MXI1: variants seen among roughly 807,000 people sequenced by gnomAD.
MXI1 encodes the protein max-interacting protein 1.
A neutral mutation model predicts 36.9 loss-of-function variants in MXI1; 18 were observed. The ratio of observed to expected loss-of-function variants is 0.49; its 90% confidence interval spans 0.34 to 0.72. The LOEUF is 0.72. Ranked by LOEUF, MXI1 falls within the 30% of genes least tolerant of loss-of-function variation. The pLI is 0.01. For missense variants in MXI1, 304 were observed against 379.1 expected, an observed-to-expected ratio of 0.80 and a Z score of 1.64; for synonymous variants, 160 against 146.7, an observed-to-expected ratio of 1.09 and a Z score of -0.65.
At chr10:110,255,002 TGG>T in intron 3 of MXI1, among the ~76,000 whole-genome samples, 1 of 152,190 alleles carries the variant, frequency 6.6e-6, no homozygotes, top group African/African-American at 2.4e-5. Flanking sequence ...CATCATCTAT[TGG>T]AAGAAGATGC....
intron 1 of MXI1, among the ~76,000 whole-genome samples, chr10:110,210,948 AG>A (rs746160447): frequency 2.4e-4 from 37 of 151,908 alleles, no homozygotes; most frequent in Admixed American, 3.9e-4. Flanking sequence ...GGGGAGGGAG[AG>A]GGATCTGGGC....
chr10:110,214,136 T>C (rs1949320674), intron 1 of MXI1, among the ~76,000 whole-genome samples: 2 of 152,200 alleles, frequency 1.3e-5, no homozygotes, highest in Non-Finnish European at 2.9e-5. Context: ...CCTGTGCTCT[T>C]AACCATATAC....
intron 3 of MXI1, among the ~76,000 whole-genome samples, chr10:110,253,537 A>C (rs1012646985): frequency 3.9e-5 from 6 of 152,170 alleles, no homozygotes; most frequent in African/African-American, 1.4e-4. Context: ...TCTACAAAAA[A>C]ATGTACACTT....
intron 4 of MXI1, 39 bp from the exon 5 acceptor site, chr10:110,279,875 G>A: frequency 6.5e-7 from 1 of 1,530,194 alleles, no homozygotes; most frequent in Non-Finnish European, 8.9e-7. Flanking sequence ...TGTTTGTACT[G>A]GACTATACAC....
At chr10:110,224,605 A>AT (rs1227474654) in intron 1 of MXI1, among the ~76,000 whole-genome samples, 6 of 151,484 alleles carry the variant, frequency 4.0e-5, no homozygotes, top group Non-Finnish European at 7.4e-5. Context: ...GGACTTAGAA[A>AT]GAGAGTGGCC....
chr10:110,208,922 T>G (rs1854434588), intron 1 of MXI1, among the ~76,000 whole-genome samples: 1 of 152,128 alleles, frequency 6.6e-6, no homozygotes, highest in African/African-American at 2.4e-5. Flanking sequence ...TTTCTTTATT[T>G]TCCGGGAGAC....
rs1279492313 is a variant in MXI1, at chr10:110,231,947, C to A, written c.407+3626C>A. On this transcript the variant is annotated intron_variant, in intron 2 of 5. Coordinates refer to ENST00000332674, the MANE Select transcript of MXI1 (RefSeq NM_130439.3). ...TCTCTTACTTGGACGACTGCAGTAA[C>A]TTCCTACCTGGTGTCCCTGCAACTA... Among the ~76,000 whole-genome samples, 3 of 152,050 alleles carry A rather than the reference C, an allele frequency of 2.0e-5. No individual in the cohort carries two copies. In the East Asian group the frequency reaches 5.8e-4, roughly 29 times the overall value.
chr10:110,270,464 G>T (rs1168398207), intron 3 of MXI1, among the ~76,000 whole-genome samples: 7 of 150,548 alleles, frequency 4.6e-5, no homozygotes, highest in African/African-American at 1.7e-4. Context: ...AAATGAGGCT[G>T]TCAAAAATGA....
At chr10:110,228,603 G>A (rs776139420) in intron 2 of MXI1, among the ~76,000 whole-genome samples, 1 of 152,146 alleles carries the variant, frequency 6.6e-6, no homozygotes, top group Non-Finnish European at 1.5e-5. Context: ...GCAGCCACCT[G>A]CTAAAAGTAA....
chr10:110,217,137 G>C (rs1181786045), intron 1 of MXI1, among the ~76,000 whole-genome samples: 1 of 152,072 alleles, frequency 6.6e-6, no homozygotes, highest in African/African-American at 2.4e-5. Context: ...GTCCACACCA[G>C]CATTCCTCCC....
chr10:110,280,536 C>T (rs550005349), intron 5 of MXI1, among the ~76,000 whole-genome samples: 7 of 151,860 alleles, frequency 4.6e-5, no homozygotes, highest in Middle Eastern at 6.8e-3. Context: ...AAAAATTAGA[C>T]GGGCGTGGTG....
At chr10:110,276,042 T>C (rs535239313) in intron 3 of MXI1, among the ~76,000 whole-genome samples, 1 of 152,366 alleles carries the variant, frequency 6.6e-6, no homozygotes, top group South Asian at 2.1e-4. Context: ...GGGTACCTCC[T>C]GATTTGTCGG....
intron 1 of MXI1, among the ~76,000 whole-genome samples, chr10:110,223,442 G>T (rs758211080): frequency 1.3e-5 from 2 of 152,020 alleles, no homozygotes; most frequent in East Asian, 1.9e-4. Flanking sequence ...TTAGCTGGGC[G>T]TGGTGGCAGG....
At chr10:110,232,494 C>T (rs1048693157) in intron 2 of MXI1, among the ~76,000 whole-genome samples, 4 of 152,104 alleles carry the variant, frequency 2.6e-5, no homozygotes, top group Non-Finnish European at 5.9e-5. Flanking sequence ...CCTATTTTTC[C>T]TTCATAGTGT....
chr10:110,209,189 C>T (rs1339792244), intron 1 of MXI1, among the ~76,000 whole-genome samples: 1 of 152,140 alleles, frequency 6.6e-6, no homozygotes, highest in Non-Finnish European at 1.5e-5. Context: ...TATCCAGCAC[C>T]GTCCTCAGAA....
chr10:110,224,245 G>GA (rs1470594617), intron 1 of MXI1, among the ~76,000 whole-genome samples: 1 of 152,164 alleles, frequency 6.6e-6, no homozygotes, highest in Non-Finnish European at 1.5e-5. Flanking sequence ...AATTGGGGTG[G>GA]AAAAAAGTTA....
At chr10:110,276,965 C>T (rs1857057170) in intron 3 of MXI1, among the ~76,000 whole-genome samples, 1 of 151,944 alleles carries the variant, frequency 6.6e-6, no homozygotes, top group African/African-American at 2.4e-5. Context: ...TGTGCCTCAG[C>T]CTCCCGAGTA....
At chr10:110,279,891 T>C (rs1857173889) in intron 4 of MXI1, 23 bp from the exon 5 acceptor site, 2 of 1,586,598 alleles carry the variant, frequency 1.3e-6, no homozygotes, top group Non-Finnish European at 8.6e-7. Flanking sequence ...TACACAAATG[T>C]AAAAATCATT....
chr10:110,261,218 T>C, intron 3 of MXI1: 4 of 801,610 alleles, frequency 5.0e-6, no homozygotes, highest in Non-Finnish European at 6.0e-6. Context: ...TCCTCACTGC[T>C]TTGATAATCT....
Sources: allele counts gnomAD v4.1 joint callset (sites outside exome capture counted in the v4.1 genomes callset), GRCh38; gene constraint gnomAD v4.1.1; transcripts MANE v1.5; gene names NCBI Gene and HGNC (gene_info 2026-07-23, HGNC 2026-07-21).